EPS15: variants seen among roughly 807,000 people sequenced by gnomAD.
EPS15 encodes epidermal growth factor receptor substrate 15.
Under a neutral mutation model 113.8 loss-of-function variants are expected in EPS15, and 72 were observed. The ratio of observed to expected loss-of-function variants is 0.63; its 90% CI spans 0.52 to 0.77. The LOEUF (loss-of-function observed/expected upper bound fraction) is 0.77, where lower values mean the gene tolerates loss of function less well. Among genes scored for constraint, EPS15 ranks in the 30% least tolerant of loss-of-function variants. The probability of loss-of-function intolerance (pLI) is 0.00; values close to 1 mark genes in which losing one functional copy is unlikely to be tolerated. For synonymous variants in EPS15, 344 were observed against 363.4 expected, an observed-to-expected ratio of 0.95 and a Z score of 0.61; for missense variants, 1,048 against 1,045.8, an observed-to-expected ratio of 1.00 and a Z score of -0.03.
At chr1:51,423,123 G>A (rs184061946) in intron 12 of EPS15, 1 of 1,028,710 alleles carries the variant, frequency 9.7e-7, no homozygotes, top group Non-Finnish European at 1.3e-6. Context: ...ATGTTCTTAA[G>A]ATGTCTATGG....
intron 5 of EPS15, among the ~76,000 whole-genome samples, chr1:51,466,449 C>T (rs980401580): frequency 1.3e-5 from 2 of 151,390 alleles, no homozygotes; most frequent in Non-Finnish European, 2.9e-5. Context: ...TGGTGAAAAA[C>T]CATCTCTACC....
chr1:51,476,527 T>C (rs1414765512), intron 2 of EPS15, among the ~76,000 whole-genome samples: 2 of 152,170 alleles, frequency 1.3e-5, no homozygotes, highest in Non-Finnish European at 2.9e-5. Flanking sequence ...TGTATTTCTG[T>C]GGGATCAGTG....
At chr1:51,496,432 G>C (rs928450551) in intron 1 of EPS15, among the ~76,000 whole-genome samples, 12 of 152,124 alleles carry the variant, frequency 7.9e-5, no homozygotes, top group African/African-American at 2.9e-4. Flanking sequence ...ACCTTTAGTT[G>C]TAAGTGCCAC....
chr1:51,478,860 G>A (rs777002337), intron 2 of EPS15, among the ~76,000 whole-genome samples: 25 of 152,162 alleles, frequency 1.6e-4, no homozygotes, highest in African/African-American at 3.9e-4. Context: ...TGTGGGTAAC[G>A]CGACCTTTCT....
intron 12 of EPS15, chr1:51,422,161 G>A (rs1189082966): frequency 5.0e-6 from 3 of 598,528 alleles, no homozygotes; most frequent in Admixed American, 5.0e-5. Flanking sequence ...CTGTTGCTAT[G>A]GAAATAGTGT....
chr1:51,471,826 G>C (rs1157583348), intron 3 of EPS15, 89 bp from the exon 4 acceptor site: 2 of 932,464 alleles, frequency 2.1e-6, no homozygotes, highest in Admixed American at 3.8e-5. Context: ...TACAACCTCA[G>C]GCTCTCTGGT....
chr1:51,379,988 C>T (rs541949438), intron 21 of EPS15, among the ~76,000 whole-genome samples: 1 of 150,442 alleles, frequency 6.6e-6, no homozygotes, highest in South Asian at 2.1e-4. Context: ...CTTGAAGCGA[C>T]AGGGGGAGGA....
chr1:51,441,916 TA>T (rs1652626456), intron 11 of EPS15, among the ~76,000 whole-genome samples: 1 of 152,154 alleles, frequency 6.6e-6, no homozygotes, highest in Admixed American at 6.6e-5. Flanking sequence ...GTAAATTTGA[TA>T]AAACAGGTAC....
intron 8 of EPS15, among the ~76,000 whole-genome samples, chr1:51,451,843 T>G: frequency 6.6e-6 from 1 of 152,154 alleles, no homozygotes; most frequent in East Asian, 1.9e-4. Context: ...ACTTGGAACC[T>G]CTAGAAAGAG....
intron 1 of EPS15, among the ~76,000 whole-genome samples, chr1:51,495,499 T>A (rs1644310159): frequency 6.6e-6 from 1 of 152,034 alleles, no homozygotes; most frequent in Admixed American, 6.5e-5. Flanking sequence ...TTAATTCTTT[T>A]TATACTATAG....
intron 4 of EPS15, among the ~76,000 whole-genome samples, chr1:51,471,264 A>C (rs183026618): frequency 3.3e-5 from 5 of 152,336 alleles, no homozygotes; most frequent in African/African-American, 9.6e-5. Context: ...TCTGGTTTAT[A>C]AATCATTTTT....
intron 1 of EPS15, among the ~76,000 whole-genome samples, chr1:51,501,025 G>C (rs1003178087): frequency 2.0e-5 from 3 of 151,802 alleles, no homozygotes; most frequent in Non-Finnish European, 4.4e-5. Flanking sequence ...AATCTCTCTG[G>C]GGTGTTTCCT....
At chr1:51,421,413 T>TTGATGA (rs3991374) in intron 13 of EPS15, among the ~76,000 whole-genome samples, 25 of 151,928 alleles carry the variant, frequency 1.6e-4, no homozygotes, top group African/African-American at 5.6e-4. Flanking sequence ...ATACTGGTTT[T>TTGATGA]TGATGATGAT....
intron 7 of EPS15, among the ~76,000 whole-genome samples, chr1:51,462,870 ATTTTTTT>A (rs34320767): frequency 1.5e-4 from 17 of 111,068 alleles, no homozygotes; most frequent in East Asian, 4.6e-4. Flanking sequence ...AAAAAGTCAG[ATTTTTTT>A]TTTTTTTTTT....
chr1:51,469,575 C>T lies in EPS15; in HGVS notation c.214-1007G>A, dbSNP rs564533316. Among the ~76,000 whole-genome samples, 7 of 152,284 alleles carry T rather than the reference C, an allele frequency of 4.6e-5. No homozygotes were observed. In the South Asian group the frequency reaches 6.2e-4, roughly 14 times the overall value. ...CTACAATTTGTCCAACCTGTCAATA[C>T]CCTAGTATAGTCGCTGATGTAATCA... On this transcript the variant is annotated intron_variant, in intron 4 of 24. Coordinates refer to ENST00000371733, the MANE Select transcript of EPS15 (RefSeq NM_001981.3).
chr1:51,469,915 A>C (rs538999421), intron 4 of EPS15, among the ~76,000 whole-genome samples: 2 of 151,236 alleles, frequency 1.3e-5, no homozygotes, highest in African/African-American at 4.8e-5. Flanking sequence ...GCAGCCTGGG[A>C]AAGTATCTTC....
intron 1 of EPS15, among the ~76,000 whole-genome samples, chr1:51,487,965 TAATG>T (rs1484241765): frequency 6.6e-6 from 1 of 152,068 alleles, no homozygotes; most frequent in Non-Finnish European, 1.5e-5. Context: ...AAATCACATA[TAATG>T]AATGAACAGA....
At chr1:51,508,322 GAGA>G (rs1557537001) in intron 1 of EPS15, among the ~76,000 whole-genome samples, 4 of 128,784 alleles carry the variant, frequency 3.1e-5, no homozygotes, top group African/African-American at 1.5e-4. Context: ...AAGAGAGAAA[GAGA>G]GAAAGAGAAA....
chr1:51,424,610 ATAGG>A (rs1208250061), intron 12 of EPS15, among the ~76,000 whole-genome samples: 2 of 152,212 alleles, frequency 1.3e-5, no homozygotes, highest in Non-Finnish European at 2.9e-5. Flanking sequence ...TATTTCAAAA[ATAGG>A]TGTGTGAGGC....
Sources: gnomAD v4.1 joint callset for allele counts (sites outside exome capture counted in the v4.1 genomes callset) on GRCh38, gnomAD v4.1.1 for gene constraint, MANE v1.5 for transcripts, NCBI Gene and HGNC (gene_info 2026-07-23, HGNC 2026-07-21) for gene names.